ZPBP: variants seen among roughly 807,000 people sequenced by gnomAD.
The protein encoded by ZPBP is zona pellucida-binding protein 1.
Under a neutral mutation model 44.8 loss-of-function variants are expected in ZPBP, and 26 were observed. That is an observed-to-expected ratio of 0.58 (90% confidence interval 0.43 to 0.81). ZPBP has a LOEUF of 0.81. Among genes scored for constraint, ZPBP ranks in the 30% least tolerant of loss-of-function variants. The pLI is 0.00. For missense variants in ZPBP, 409 were observed against 434.0 expected, an observed-to-expected ratio of 0.94 and a Z score of 0.51; for synonymous variants, 174 against 153.2, an observed-to-expected ratio of 1.14 and a Z score of -1.00.
At chr7:50,020,360 A>C (rs1799030869) in intron 5 of ZPBP, among the ~76,000 whole-genome samples, 1 of 152,176 alleles carries the variant, frequency 6.6e-6, no homozygotes. Flanking sequence ...AAATAGAATC[A>C]AAAGAAATAT....
intron 1 of ZPBP, among the ~76,000 whole-genome samples, chr7:49,931,507 GC>G (rs1794441623): frequency 6.6e-6 from 1 of 152,178 alleles, no homozygotes; most frequent in Admixed American, 6.5e-5. Context: ...GTGGCATTTT[GC>G]CCTGCCCTAG....
At chr7:50,077,520 A>G (rs1802155220) in intron 3 of ZPBP, among the ~76,000 whole-genome samples, 1 of 151,868 alleles carries the variant, frequency 6.6e-6, no homozygotes, top group African/African-American at 2.4e-5. Flanking sequence ...AATATCCAGA[A>G]TATACAAGCA....
At chr7:49,930,149 G>A (rs1277848457) in intron 1 of ZPBP, among the ~76,000 whole-genome samples, 1 of 152,176 alleles carries the variant, frequency 6.6e-6, no homozygotes, top group Non-Finnish European at 1.5e-5. Flanking sequence ...GAGGACAAAA[G>A]CTGCACTAAG....
chr7:49,993,106 C>G (rs1409931857), intron 6 of ZPBP, among the ~76,000 whole-genome samples: 1 of 151,714 alleles, frequency 6.6e-6, no homozygotes, highest in African/African-American at 2.4e-5. Context: ...AGCAAAACCA[C>G]TAAAATAAAT....
At chr7:50,075,375 A>G (rs570894518) in intron 3 of ZPBP, among the ~76,000 whole-genome samples, 1 of 152,168 alleles carries the variant, frequency 6.6e-6, no homozygotes, top group African/African-American at 2.4e-5. Context: ...GAAAAGCAAG[A>G]GCAAACCAAA....
chr7:50,071,231 T>C (rs993260064), intron 3 of ZPBP, among the ~76,000 whole-genome samples: 9 of 152,140 alleles, frequency 5.9e-5, no homozygotes, highest in African/African-American at 1.9e-4. Flanking sequence ...TTGTGAGGTA[T>C]TGAGCTCAGA....
chr7:50,032,192 T>C (rs1249769582), intron 4 of ZPBP, among the ~76,000 whole-genome samples: 1 of 152,244 alleles, frequency 6.6e-6, no homozygotes. Flanking sequence ...GTTTCATTTC[T>C]GAACAGGAAT....
At chr7:50,069,961 C>T (rs1249305143) in intron 3 of ZPBP, among the ~76,000 whole-genome samples, 1 of 152,116 alleles carries the variant, frequency 6.6e-6, no homozygotes, top group Non-Finnish European at 1.5e-5. Flanking sequence ...CTGCATTGGC[C>T]TCTCCCAAGA....
intron 2 of ZPBP, among the ~76,000 whole-genome samples, chr7:49,853,778 A>C (rs188073081): frequency 6.6e-6 from 1 of 151,970 alleles, no homozygotes; most frequent in African/African-American, 2.4e-5. Context: ...GGTTTGTTAC[A>C]TATGTATACG....
intron 7 of ZPBP, among the ~76,000 whole-genome samples, chr7:49,960,538 C>A (rs1795824507): frequency 6.6e-6 from 1 of 151,890 alleles, no homozygotes; most frequent in Admixed American, 6.6e-5. Context: ...TATATTTATG[C>A]AACTTTTTAA....
intron 2 of ZPBP, among the ~76,000 whole-genome samples, chr7:49,879,419 C>T (rs1025039259): frequency 6.6e-5 from 10 of 152,116 alleles, no homozygotes; most frequent in East Asian, 1.9e-4. Flanking sequence ...TTATCTTATC[C>T]GGAGAGGGTT....
At chr7:50,090,252 G>C (rs767672793) in intron 1 of ZPBP, among the ~76,000 whole-genome samples, 4 of 150,808 alleles carry the variant, frequency 2.7e-5, no homozygotes. Flanking sequence ...CCATCCCACC[G>C]TTTCTCCCAC....
At chr7:49,844,918 G>A in the ZPBP span, among the ~76,000 whole-genome samples, 1 of 152,234 alleles carries the variant, frequency 6.6e-6, no homozygotes, top group African/African-American at 2.4e-5. Context: ...CCTGACCCCA[G>A]GTGATCTGCC....
chr7:49,979,942 TA>T (rs544737439), intron 7 of ZPBP, among the ~76,000 whole-genome samples: 1,229 of 113,378 alleles, frequency 0.011, 30 homozygotes, highest in African/African-American at 0.04. Context: ...AGATAATATA[TA>T]AATATATATT....
intron 7 of ZPBP, among the ~76,000 whole-genome samples, chr7:49,949,502 T>C (rs1331977063): frequency 6.6e-6 from 1 of 152,120 alleles, no homozygotes; most frequent in Non-Finnish European, 1.5e-5. Flanking sequence ...TTAAAAATAT[T>C]GTGCTAAGTG....
chr7:50,003,828 A>T (rs1230048879), intron 6 of ZPBP, among the ~76,000 whole-genome samples: 1 of 152,286 alleles, frequency 6.6e-6, no homozygotes, highest in East Asian at 1.9e-4. Flanking sequence ...CAGGAAAAAA[A>T]ATTGCACATT....
chr7:49,955,443 G>C (rs1173122748), intron 7 of ZPBP, among the ~76,000 whole-genome samples: 1 of 152,030 alleles, frequency 6.6e-6, no homozygotes, highest in African/African-American at 2.4e-5. Flanking sequence ...TTTAATCCCA[G>C]CTGCTCTGGA....
At chr7:49,989,424 T>G (rs1797464828) in intron 6 of ZPBP, among the ~76,000 whole-genome samples, 1 of 152,214 alleles carries the variant, frequency 6.6e-6, no homozygotes, top group Admixed American at 6.5e-5. Flanking sequence ...CTGAGATTCC[T>G]TGTGGAACAG....
chr7:49,938,284 T>G lies in ZPBP; in HGVS notation c.962-662A>C, dbSNP rs531924245. ...TGATTTCAAGTCCTATTTCTACCAC[T>G]TGCTAAATGTGCAATTTTGAAAATA... On this transcript the variant is annotated intron_variant, in intron 7 of 7. Coordinates refer to ENST00000046087, the MANE Select transcript of ZPBP (RefSeq NM_007009.3). Among the ~76,000 whole-genome samples, 9 of 152,322 alleles carry G rather than the reference T, an allele frequency of 5.9e-5. No homozygotes were observed. The East Asian group carries it at 1.7e-3, about 29-fold the overall frequency.
Sources: gnomAD v4.1 joint callset for allele counts (sites outside exome capture counted in the v4.1 genomes callset) on GRCh38, gnomAD v4.1.1 for gene constraint, MANE v1.5 for transcripts, NCBI Gene and HGNC (gene_info 2026-07-23, HGNC 2026-07-21) for gene names.